The following PTPRT variants were observed in gnomAD, a reference collection of about 807,000 sequenced individuals.
PTPRT encodes receptor-type tyrosine-protein phosphatase T.
Under a neutral mutation model 176.8 loss-of-function variants are expected in PTPRT, and 56 were observed. That is an observed-to-expected ratio of 0.32 (90% CI 0.26 to 0.40). The LOEUF (loss-of-function observed/expected upper bound fraction) is 0.40, where lower values mean the gene tolerates loss of function less well. Among genes scored for constraint, PTPRT ranks in the 10% least tolerant of loss-of-function variants. The pLI is 1.00. For missense variants in PTPRT, 1,540 were observed against 1,908.2 expected, an observed-to-expected ratio of 0.81 and a Z score of 3.60; for synonymous variants, 783 against 739.0, an observed-to-expected ratio of 1.06 and a Z score of -0.96.
intron 7 of PTPRT, among the ~76,000 whole-genome samples, chr20:42,545,330 A>G (rs557254544): frequency 6.6e-6 from 1 of 152,280 alleles, no homozygotes; most frequent in East Asian, 1.9e-4. Flanking sequence ...GGGTTCATCA[A>G]ACCACCCTAG....
intron 12 of PTPRT, among the ~76,000 whole-genome samples, chr20:42,291,389 A>G (rs1490176449): frequency 3.3e-5 from 5 of 152,216 alleles, no homozygotes; most frequent in Non-Finnish European, 5.9e-5. Context: ...GTATCTAATT[A>G]AAAGTTGCAA....
intron 5 of PTPRT, among the ~76,000 whole-genome samples, chr20:42,765,268 CTCTG>C (rs1320444125): frequency 1.3e-5 from 2 of 152,198 alleles, no homozygotes; most frequent in Non-Finnish European, 2.9e-5. Context: ...GGCTGACAGA[CTCTG>C]CTCTGGAGTC....
chr20:42,830,315 T>TTCA (rs1330832621), intron 2 of PTPRT, among the ~76,000 whole-genome samples: 1 of 152,208 alleles, frequency 6.6e-6, no homozygotes, highest in Non-Finnish European at 1.5e-5. Flanking sequence ...ATAAACGTGA[T>TTCA]TCATCACACA....
intron 9 of PTPRT, among the ~76,000 whole-genome samples, chr20:42,374,922 A>G (rs939268292): frequency 6.6e-6 from 1 of 152,208 alleles, no homozygotes; most frequent in Non-Finnish European, 1.5e-5. Flanking sequence ...AAAACCAATA[A>G]CCAAAAACAA....
chr20:42,630,241 C>G (rs182699978), intron 7 of PTPRT, among the ~76,000 whole-genome samples: 1 of 152,180 alleles, frequency 6.6e-6, no homozygotes, highest in African/African-American at 2.4e-5. Flanking sequence ...AAAAGTCAGC[C>G]GACAGATTCT....
chr20:42,439,537 A>G (rs1358435085), intron 9 of PTPRT, among the ~76,000 whole-genome samples: 1 of 152,238 alleles, frequency 6.6e-6, no homozygotes, highest in African/African-American at 2.4e-5. Flanking sequence ...CTGCCTGTGT[A>G]TGAGTGAGTT....
At chr20:42,906,571 G>A (rs1346336784) in intron 1 of PTPRT, among the ~76,000 whole-genome samples, 5 of 152,166 alleles carry the variant, frequency 3.3e-5, no homozygotes, top group Admixed American at 3.3e-4. Context: ...CCTACAGATG[G>A]CTAAACTAAA....
intron 7 of PTPRT, among the ~76,000 whole-genome samples, chr20:42,531,387 A>G (rs1048717412): frequency 5.3e-5 from 8 of 152,230 alleles, no homozygotes; most frequent in Non-Finnish European, 1.0e-4. Flanking sequence ...TTGAGAAAGA[A>G]AGGAGGTTTC....
chr20:42,371,251 A>G (rs1011843972), intron 9 of PTPRT, among the ~76,000 whole-genome samples: 1 of 152,200 alleles, frequency 6.6e-6, no homozygotes, highest in African/African-American at 2.4e-5. Flanking sequence ...GAATAAGGAC[A>G]TCCAAAAGGC....
At chr20:42,992,484 C>A (rs1983973704) in intron 1 of PTPRT, among the ~76,000 whole-genome samples, 1 of 152,194 alleles carries the variant, frequency 6.6e-6, no homozygotes, top group African/African-American at 2.4e-5. Context: ...CCCTGCCTAG[C>A]CTTTCTTCCT....
intron 4 of PTPRT, among the ~76,000 whole-genome samples, chr20:42,778,172 G>T (rs1359776914): frequency 6.6e-6 from 1 of 152,150 alleles, no homozygotes. Flanking sequence ...GACTTTGGGG[G>T]GTGGAAAGTC....
At chr20:43,156,689 AT>A (rs1311567941) in intron 1 of PTPRT, among the ~76,000 whole-genome samples, 6 of 152,162 alleles carry the variant, frequency 3.9e-5, no homozygotes, top group African/African-American at 1.4e-4. Flanking sequence ...AGGAGGGAGG[AT>A]TAAAGCCTAC....
downstream of PTPRT, among the ~76,000 whole-genome samples, chr20:42,068,831 T>C (rs1982194006): frequency 1.3e-5 from 2 of 152,294 alleles, no homozygotes; most frequent in South Asian, 4.1e-4. Context: ...GAAAGTGGGA[T>C]GGGATGGAGT....
chr20:42,719,835 C>G (rs571420591), intron 6 of PTPRT, among the ~76,000 whole-genome samples: 1 of 152,198 alleles, frequency 6.6e-6, no homozygotes, highest in East Asian at 1.9e-4. Context: ...GCCCCACGTC[C>G]CCAGGTAGAT....
chr20:42,091,408 G>T (rs1476509524), intron 27 of PTPRT, among the ~76,000 whole-genome samples: 1 of 152,162 alleles, frequency 6.6e-6, no homozygotes, highest in Non-Finnish European at 1.5e-5. Context: ...TAGCATATGG[G>T]TCTATTTTTG....
chr20:42,733,375 C>T (rs367929022), intron 6 of PTPRT, among the ~76,000 whole-genome samples: 16 of 152,176 alleles, frequency 1.1e-4, no homozygotes, highest in East Asian at 7.7e-4. Flanking sequence ...GGAATTCCCA[C>T]GGCATGCGCT....
chr20:42,748,342 T>C (rs1028898848), intron 6 of PTPRT, among the ~76,000 whole-genome samples: 11 of 152,086 alleles, frequency 7.2e-5, no homozygotes, highest in Admixed American at 2.0e-4. Flanking sequence ...GATCACTGGG[T>C]GATATAGCCC....
intron 9 of PTPRT, among the ~76,000 whole-genome samples, chr20:42,377,477 T>TG (rs1472381816): frequency 1.3e-5 from 2 of 152,236 alleles, no homozygotes; most frequent in Non-Finnish European, 2.9e-5. Flanking sequence ...AACTGAACTC[T>TG]GATTCAGTAG....
chr20:42,800,520 T>C (rs1404448640), intron 2 of PTPRT, among the ~76,000 whole-genome samples: 1 of 152,230 alleles, frequency 6.6e-6, no homozygotes, highest in Non-Finnish European at 1.5e-5. Flanking sequence ...CCCTTGCTTC[T>C]GCAGCTCTAA....
Sources: allele counts gnomAD v4.1 joint callset (sites outside exome capture counted in the v4.1 genomes callset), GRCh38; gene constraint gnomAD v4.1.1; transcripts MANE v1.5; gene names NCBI Gene and HGNC (gene_info 2026-07-23, HGNC 2026-07-21).